ANO4: variants seen among roughly 807,000 people sequenced by gnomAD.
ANO4 encodes the protein anoctamin 4.
ANO4 carries 69 observed loss-of-function variants against 141.9 expected under a neutral mutation model. The ratio of observed to expected loss-of-function variants is 0.49; its 90% CI spans 0.40 to 0.59. The LOEUF (loss-of-function observed/expected upper bound fraction) is 0.59. Ranked by LOEUF, ANO4 falls within the 20% of genes least tolerant of loss-of-function variation. The pLI, the probability that ANO4 is intolerant of heterozygous loss-of-function variation, is 0.00. For synonymous variants in ANO4, 350 were observed against 394.3 expected (o/e 0.89, Z 1.33); for missense variants, 894 against 1,162.2 (o/e 0.77, Z 3.36).
intron 3 of ANO4, among the ~76,000 whole-genome samples, chr12:100,742,252 CTA>C (rs747618547): frequency 2.0e-5 from 3 of 152,068 alleles, no homozygotes; most frequent in Non-Finnish European, 2.9e-5. Flanking sequence ...TCGACAATGA[CTA>C]TGTGTAGGCC....
chr12:100,930,541 G>T (rs771135786), intron 3 of ANO4, among the ~76,000 whole-genome samples: 1 of 152,092 alleles, frequency 6.6e-6, no homozygotes, highest in East Asian at 1.9e-4. Context: ...ACTAATCTAT[G>T]TGTCTGTTTT....
At position 100,870,276 on chromosome 12, in the gene ANO4, A is replaced by G. The variant is rs2038968030; in HGVS notation, c.-140-31370A>G. On this transcript the variant is annotated intron_variant, in intron 1 of 27. Coordinates refer to ENST00000392977, the MANE Select transcript of ANO4 (RefSeq NM_001286615.2). ...ATGCAGCAAATTGTATTTCAAAGGT[A>G]AACCTTATTTAAAACCCCATAGCAT... Among the ~76,000 whole-genome samples the G allele has an allele frequency of 2.0e-5, 3 of 152,196 alleles. No individual in the cohort carries two copies. In the South Asian group the frequency reaches 6.2e-4, roughly 32 times the overall value.
intron 8 of ANO4, among the ~76,000 whole-genome samples, chr12:100,989,551 G>GTGGA (rs377197749): frequency 0.18 from 26,124 of 144,280 alleles, 2,506 homozygotes; most frequent in Non-Finnish European, 0.22. Context: ...GGGTGGGTGG[G>GTGGA]TGGATGGATG....
Position 100,957,879 on chromosome 12 carries a change from A to T in ANO4, c.457-13427A>T, listed in dbSNP as rs542252341. Among the ~76,000 whole-genome samples, 6 of 152,016 alleles carry T rather than the reference A, an allele frequency of 3.9e-5. No individual in the cohort carries two copies. In the South Asian group the frequency reaches 6.2e-4, roughly 16 times the overall value. ...ATAAACTAAGACATCATTTTTATAT[A>T]TTTTTTTTAGTAGAGATGGGGTTTC... On this transcript the variant is annotated intron_variant, in intron 5 of 27. Transcript: ENST00000392977.
intron 14 of ANO4, 73 bp from the exon 15 acceptor site, chr12:101,079,120 A>G: frequency 7.7e-7 from 1 of 1,296,408 alleles, no homozygotes; most frequent in Non-Finnish European, 1.1e-6. Flanking sequence ...TGGCTTCATT[A>G]TTCAGTGACA....
At chr12:100,719,863 T>C (rs534676423) in intron 1 of ANO4, among the ~76,000 whole-genome samples, 5 of 152,350 alleles carry the variant, frequency 3.3e-5, no homozygotes, top group Admixed American at 6.5e-5. Flanking sequence ...TATGAATTTT[T>C]ACTTTCAGGC....
At chr12:100,872,902 A>G (rs2039103048) in intron 1 of ANO4, among the ~76,000 whole-genome samples, 1 of 152,178 alleles carries the variant, frequency 6.6e-6, no homozygotes, top group African/African-American at 2.4e-5. Context: ...GGAGGGGCCT[A>G]GTGGGAGGTG....
At chr12:101,038,054 C>T (rs1272804313) in intron 10 of ANO4, among the ~76,000 whole-genome samples, 3 of 152,138 alleles carry the variant, frequency 2.0e-5, no homozygotes, top group Admixed American at 6.5e-5. Context: ...TAATTTTAAA[C>T]ACTAAGAGGG....
chr12:101,035,783 T>TA (rs1299098957), intron 9 of ANO4, among the ~76,000 whole-genome samples: 5 of 152,084 alleles, frequency 3.3e-5, no homozygotes, highest in Non-Finnish European at 7.4e-5. Context: ...TGTTCTCACT[T>TA]ATAAGTGGGA....
chr12:101,016,065 G>A (rs2046303154), intron 8 of ANO4, among the ~76,000 whole-genome samples: 2 of 152,192 alleles, frequency 1.3e-5, no homozygotes, highest in South Asian at 4.1e-4. Context: ...AGCTAGAAGA[G>A]ATGGCAAGAG....
At chr12:100,743,451 T>C (rs1346803235) in intron 3 of ANO4, among the ~76,000 whole-genome samples, 1 of 151,978 alleles carries the variant, frequency 6.6e-6, no homozygotes, top group African/African-American at 2.4e-5. Context: ...TAAATGATGA[T>C]AGTATTCAAT....
intron 1 of ANO4, among the ~76,000 whole-genome samples, chr12:100,728,699 G>A (rs2031244326): frequency 6.6e-6 from 1 of 152,168 alleles, no homozygotes. Flanking sequence ...AAGAGTGAGT[G>A]CTCAGTAACT....
At chr12:100,976,524 C>G (rs950396343) in intron 7 of ANO4, among the ~76,000 whole-genome samples, 1 of 152,206 alleles carries the variant, frequency 6.6e-6, no homozygotes, top group African/African-American at 2.4e-5. Context: ...AGTTCTCAAA[C>G]TCCAGCCAGC....
intron 14 of ANO4, among the ~76,000 whole-genome samples, chr12:101,050,160 G>A (rs1235839144): frequency 6.6e-6 from 1 of 152,032 alleles, no homozygotes; most frequent in East Asian, 1.9e-4. Context: ...AAAATTAGAG[G>A]GCGAAAAAGC....
Position 101,019,928 on chromosome 12 carries a change from T to C in ANO4, c.735-106T>C, listed in dbSNP as rs901469303. On this transcript the variant is annotated intron_variant, in intron 8 of 27. Transcript: ENST00000392977. ...GGCTGTTCCAGACACACCCTGTCTA[T>C]GACTGACTGAAGACATCTGCATCTG... 20 of 834,902 alleles carry C rather than the reference T, an allele frequency of 2.4e-5. No homozygotes were observed. In the Admixed American group the frequency reaches 4.1e-4, roughly 17 times the overall value. 51.7% of individuals were successfully genotyped at this position (834,902 alleles called of 1,614,324 possible). A position where few individuals can be genotyped will look rare whatever the true frequency, so the allele number is the denominator to read the frequency against.
intron 1 of ANO4, among the ~76,000 whole-genome samples, chr12:100,848,657 C>T (rs1019130496): frequency 3.3e-5 from 5 of 152,138 alleles, no homozygotes; most frequent in Admixed American, 6.6e-5. Context: ...TCCATTGCTC[C>T]AGCTTCTTTT....
At chr12:100,737,326 C>T (rs1462358501) in intron 2 of ANO4, among the ~76,000 whole-genome samples, 1 of 152,156 alleles carries the variant, frequency 6.6e-6, no homozygotes, top group African/African-American at 2.4e-5. Flanking sequence ...TGACAATGAT[C>T]ACAGGGTAAG....
At position 100,765,622 on chromosome 12, in the gene ANO4, C is replaced by T. The variant is rs78643107; in HGVS notation, c.358+25517C>T. Among the ~76,000 whole-genome samples, 685 of 150,550 alleles carry T rather than the reference C, an allele frequency of 4.5e-3. 2 individuals carry two copies. Among genetic ancestry groups the T allele is most frequent in the Non-Finnish European group, 7.1e-3 (480 of 67,712 alleles). ...AACTCCTGGGCTCAAGCGATCTTTC[C>T]GCCTTAGCCTCCCAGAATGCTAGGA... is the stretch of plus-strand genomic sequence containing the variant. On this transcript the variant is annotated intron_variant, in intron 3 of 29. Coordinates refer to the ANO4 transcript ENST00000644049.
chr12:100,951,644 G>C (rs1300833191), intron 5 of ANO4, among the ~76,000 whole-genome samples: 1 of 152,178 alleles, frequency 6.6e-6, no homozygotes, highest in African/African-American at 2.4e-5. Flanking sequence ...GAGAACACAT[G>C]GACATATGTC....
Sources: gnomAD v4.1 joint callset for allele counts (sites outside exome capture counted in the v4.1 genomes callset) on GRCh38, gnomAD v4.1.1 for gene constraint, MANE v1.5 for transcripts, NCBI Gene and HGNC (gene_info 2026-07-23, HGNC 2026-07-21) for gene names.